LDLRAD4: variants seen among roughly 807,000 people sequenced by gnomAD.
The protein encoded by LDLRAD4 is low density lipoprotein receptor class A domain containing 4.
In LDLRAD4, 5 loss-of-function variants were observed where a neutral mutation model predicts 17.0. The observed-to-expected ratio is 0.29, with a 90% CI of 0.15 to 0.62. LDLRAD4 has a LOEUF of 0.62. Ranked by LOEUF, LDLRAD4 falls within the 20% of genes least tolerant of loss-of-function variation. LDLRAD4 has a pLI of 0.84. For synonymous variants in LDLRAD4, 168 were observed against 171.8 expected (o/e 0.98, Z 0.17); for missense variants, 340 against 424.7 (o/e 0.80, Z 1.75).
At chr18:13,252,920 T>G (rs2043301817) in intron 1 of LDLRAD4, among the ~76,000 whole-genome samples, 1 of 152,230 alleles carries the variant, frequency 6.6e-6, no homozygotes, top group Non-Finnish European at 1.5e-5. Context: ...TCTTGTTGTT[T>G]TGCTGGTTTT....
chr18:13,460,415 A>G (rs1347142389), intron 3 of LDLRAD4, among the ~76,000 whole-genome samples: 1 of 151,746 alleles, frequency 6.6e-6, no homozygotes, highest in Non-Finnish European at 1.5e-5. Flanking sequence ...CTGAGCTGGA[A>G]CTCCGGGCAC....
chr18:13,362,205 T>G (rs2083721998), intron 1 of LDLRAD4: 1 of 152,068 alleles, frequency 6.6e-6, no homozygotes, highest in African/African-American at 2.4e-5. Flanking sequence ...GTTGTACGAG[T>G]TTGTGTAGGA....
At position 13,228,235 on chromosome 18, in the gene LDLRAD4, G is replaced by A. The variant is rs186003852; in HGVS notation, c.-467+9247G>A. Among the ~76,000 whole-genome samples, 45 of 152,348 alleles carry A rather than the reference G, an allele frequency of 3.0e-4. No individual in the cohort carries two copies. In the East Asian group the frequency reaches 8.3e-3, roughly 28 times the overall value. On this transcript the variant is annotated intron_variant, in intron 1 of 5. Coordinates refer to the LDLRAD4 transcript ENST00000399848. ...TGTGCTGAAGGCTGCTAATGGGGTGGCAGTCCTCCAGTGGTCTGGCCGGTG... is the reference window on the plus strand; with the variant it reads ...TGTGCTGAAGGCTGCTAATGGGGTGACAGTCCTCCAGTGGTCTGGCCGGTG...
intron 1 of LDLRAD4, among the ~76,000 whole-genome samples, chr18:13,324,020 G>A (rs2081383181): frequency 1.3e-5 from 2 of 151,972 alleles, no homozygotes; most frequent in African/African-American, 2.4e-5. Context: ...AGCCAAGATC[G>A]TGCCGCTGCA....
intron 3 of LDLRAD4, among the ~76,000 whole-genome samples, chr18:13,588,524 C>T (rs920298729): frequency 2.0e-5 from 3 of 151,612 alleles, no homozygotes; most frequent in African/African-American, 4.8e-5. Context: ...GTGATCAAAA[C>T]GATTCATTAT....
At chr18:13,596,341 A>G (rs1020503762) in intron 3 of LDLRAD4, among the ~76,000 whole-genome samples, 24 of 151,906 alleles carry the variant, frequency 1.6e-4, no homozygotes, top group Non-Finnish European at 5.9e-5. Context: ...CCTTTTGTTC[A>G]TTTCACTCTT....
At position 13,554,748 on chromosome 18, in the gene LDLRAD4, T is replaced by C. The variant is rs146444306; in HGVS notation, c.182-66369T>C. On this transcript the variant is annotated intron_variant, in intron 3 of 5. Coordinates refer to ENST00000359446, the Ensembl canonical transcript of LDLRAD4. ...AATAAGATTTTAATGATATTTCCAC[T>C]CTCACGTTTTCAAATGGTAATCTGT... 6.9e-4 allele frequency among the ~76,000 whole-genome samples: 105 copies of C among 152,346 alleles called. 1 individual carries two copies. In the East Asian group the frequency reaches 0.01, roughly 15 times the overall value.
chr18:13,536,289 T>C (rs1417792672), intron 3 of LDLRAD4, among the ~76,000 whole-genome samples: 2 of 152,236 alleles, frequency 1.3e-5, no homozygotes, highest in South Asian at 2.1e-4. Flanking sequence ...TATCTCTCCA[T>C]ACACTAAGGT....
upstream of LDLRAD4, among the ~76,000 whole-genome samples, chr18:13,218,500 A>G (rs544244454): frequency 1.3e-5 from 2 of 151,972 alleles, no homozygotes; most frequent in Non-Finnish European, 2.9e-5. Flanking sequence ...CCGCGCCCCT[A>G]GGCCTCGGCG....
At chr18:13,275,091 G>A (rs976610152), upstream of LDLRAD4, among the ~76,000 whole-genome samples, 1 of 152,046 alleles carries the variant, frequency 6.6e-6, no homozygotes, top group Non-Finnish European at 1.5e-5. Flanking sequence ...CCAGGAAATT[G>A]GATTGGCATT....
intron 4 of LDLRAD4, among the ~76,000 whole-genome samples, chr18:13,635,342 G>A (rs1241643645): frequency 6.6e-6 from 1 of 152,044 alleles, no homozygotes; most frequent in African/African-American, 2.4e-5. Flanking sequence ...CCATTCATGA[G>A]GACTCCACCC....
At chr18:13,391,751 T>C (rs1369042249) in intron 2 of LDLRAD4, among the ~76,000 whole-genome samples, 5 of 152,262 alleles carry the variant, frequency 3.3e-5, no homozygotes, top group Non-Finnish European at 7.3e-5. Context: ...GTTTACATCC[T>C]TCCAGTTTTG....
intron 1 of LDLRAD4, among the ~76,000 whole-genome samples, chr18:13,259,232 G>A (rs1485540823): frequency 6.6e-6 from 1 of 152,102 alleles, no homozygotes; most frequent in Non-Finnish European, 1.5e-5. Flanking sequence ...AGGCTGGAGT[G>A]CAGTAGCGTG....
At chr18:13,524,842 GC>G (rs2094005859) in intron 3 of LDLRAD4, among the ~76,000 whole-genome samples, 1 of 152,226 alleles carries the variant, frequency 6.6e-6, no homozygotes, top group African/African-American at 2.4e-5. Context: ...AGCTTCTGAA[GC>G]TTTAAGAGTG....
At chr18:13,616,598 G>T (rs562983585) in intron 3 of LDLRAD4, among the ~76,000 whole-genome samples, 10 of 152,316 alleles carry the variant, frequency 6.6e-5, no homozygotes, top group African/African-American at 2.4e-4. Context: ...TCAGGGGAGG[G>T]CTTCGGGAGC....
At chr18:13,256,461 A>G (rs1182550449) in intron 1 of LDLRAD4, among the ~76,000 whole-genome samples, 1 of 152,238 alleles carries the variant, frequency 6.6e-6, no homozygotes, top group Admixed American at 6.5e-5. Flanking sequence ...CCTTTTAACA[A>G]GATCCAAGGG....
intron 4 of LDLRAD4, among the ~76,000 whole-genome samples, chr18:13,643,092 C>T (rs1000914742): frequency 6.6e-6 from 1 of 151,982 alleles, no homozygotes; most frequent in Non-Finnish European, 1.5e-5. Flanking sequence ...CCCGCCACCA[C>T]GCCCAACTAA....
intron 3 of LDLRAD4, among the ~76,000 whole-genome samples, chr18:13,563,615 G>T (rs2094563165): frequency 6.6e-6 from 1 of 152,206 alleles, no homozygotes; most frequent in Non-Finnish European, 1.5e-5. Context: ...CTTACTGAAT[G>T]CCTCAATGGT....
At chr18:13,593,691 T>G (rs1187316705) in intron 3 of LDLRAD4, among the ~76,000 whole-genome samples, 1 of 152,182 alleles carries the variant, frequency 6.6e-6, no homozygotes, top group East Asian at 1.9e-4. Flanking sequence ...CTCCTGAACT[T>G]ACACAATCCT....
Sources: allele counts gnomAD v4.1 joint callset (sites outside exome capture counted in the v4.1 genomes callset), GRCh38; gene constraint gnomAD v4.1.1; transcripts MANE v1.5; gene names NCBI Gene and HGNC (gene_info 2026-07-23, HGNC 2026-07-21).